The following RGS7 variants were observed in gnomAD, a reference collection of about 807,000 sequenced individuals.
RGS7 encodes regulator of G-protein signaling 7.
RGS7 carries 27 observed loss-of-function variants against 81.1 expected under a neutral mutation model. That is an observed-to-expected ratio of 0.33 (90% CI 0.25 to 0.46). RGS7 has a LOEUF of 0.46. Among genes scored for constraint, RGS7 ranks in the 20% least tolerant of loss-of-function variants. The pLI, the probability that RGS7 is intolerant of heterozygous loss-of-function variation, is 1.00. For synonymous variants in RGS7, 208 were observed against 207.7 expected, an observed-to-expected ratio of 1.00 and a Z score of -0.01; for missense variants, 396 against 607.4, an observed-to-expected ratio of 0.65 and a Z score of 3.66.
At chr1:240,835,867 A>C (rs1694647429) in intron 9 of RGS7, among the ~76,000 whole-genome samples, 1 of 152,206 alleles carries the variant, frequency 6.6e-6, no homozygotes, top group Non-Finnish European at 1.5e-5. Context: ...CAATCATATG[A>C]CATTCTGGAA....
chr1:241,327,122 GAAAGAAAGAAAGAAAGAAAGAAAGGAAA>G lies in RGS7; in HGVS notation c.78+28549_78+28576del, dbSNP rs1166126651. ...AGAAAGAAAGAAAGAAAGAAAGAAAGAAAGAAAGAAAGAAAGAAAGAAAGGAAAGAAAGAAAGAAAGAAACACACAGAC... is the reference window on the plus strand; with the variant it reads ...AGAAAGAAAGAAAGAAAGAAAGAAAGGAAAGAAAGAAAGAAACACACAGAC... On this transcript the variant is annotated intron_variant, in intron 2 of 18. Transcript: ENST00000440928. Among the ~76,000 whole-genome samples, 178 of 110,248 alleles carry G rather than the reference GAAAGAAAGAAAGAAAGAAAGAAAGGAAA, an allele frequency of 1.6e-3. 5 individuals are homozygous for G. The highest frequency in any genetic ancestry group is 6.2e-3 in the South Asian group (21 of 3,406). The allele number at this position is 110,248 out of a possible 152,430, so 72.3% of individuals were successfully genotyped here.
intron 2 of RGS7, among the ~76,000 whole-genome samples, chr1:241,292,293 GTCATTA>G (rs1436207526): frequency 3.9e-5 from 6 of 152,050 alleles, no homozygotes; most frequent in Non-Finnish European, 5.9e-5. Context: ...CAGTAACATA[GTCATTA>G]TCATTATTAA....
chr1:240,883,401 T>G (rs947750096), intron 6 of RGS7, among the ~76,000 whole-genome samples: 1 of 152,242 alleles, frequency 6.6e-6, no homozygotes, highest in African/African-American at 2.4e-5. Flanking sequence ...TGGCTGCTTT[T>G]CTCACGTTCA....
chr1:241,172,378 T>C (rs2070795856), intron 2 of RGS7, among the ~76,000 whole-genome samples: 1 of 152,342 alleles, frequency 6.6e-6, no homozygotes, highest in Admixed American at 6.5e-5. Context: ...AAGTATTATG[T>C]TCAATATTTG....
At chr1:241,206,766 A>C (rs1306447538) in intron 2 of RGS7, among the ~76,000 whole-genome samples, 6 of 151,752 alleles carry the variant, frequency 4.0e-5, no homozygotes, top group African/African-American at 1.5e-4. Flanking sequence ...CTTCCTGCTC[A>C]CCTCTCCATG....
At chr1:241,340,405 A>C (rs925084211) in intron 2 of RGS7, among the ~76,000 whole-genome samples, 3 of 152,188 alleles carry the variant, frequency 2.0e-5, no homozygotes, top group African/African-American at 4.8e-5. Context: ...TGGGGAGACT[A>C]AACAAAGCCA....
chr1:241,215,476 C>G (rs2074489485), intron 2 of RGS7, among the ~76,000 whole-genome samples: 1 of 152,184 alleles, frequency 6.6e-6, no homozygotes, highest in African/African-American at 2.4e-5. Flanking sequence ...AATAAATGAG[C>G]AGGTCAGGAG....
At chr1:241,124,676 C>T (rs770833788) in intron 2 of RGS7, among the ~76,000 whole-genome samples, 1 of 152,168 alleles carries the variant, frequency 6.6e-6, no homozygotes, top group Non-Finnish European at 1.5e-5. Context: ...TCTGCTGGGA[C>T]CTGAATCGTG....
chr1:241,057,272 C>T (rs186400164), intron 3 of RGS7, among the ~76,000 whole-genome samples: 27 of 152,256 alleles, frequency 1.8e-4, no homozygotes, highest in African/African-American at 6.5e-4. Context: ...CCAGTCCCAC[C>T]TCTCACCTTA....
In RGS7 at chr1:240,936,571, C is replaced by T. The variant is rs370647348; in HGVS notation, c.333+29G>A. ...AAACGAAATGCGGGCTTCTAGTTTA[C>T]TGTTAAAGAACATTTCTAATAAACT... On this transcript the variant is annotated intron_variant, in intron 5 of 18. Transcript: ENST00000440928. 5.3e-6 allele frequency: 8 copies of T among 1,522,782 alleles called. No individual in the cohort carries two copies. The African/African-American group carries it at 9.6e-5, about 18-fold the overall frequency. The allele number at this position is 1,522,782 out of a possible 1,614,324, so 94.3% of individuals were successfully genotyped here. A position where few individuals can be genotyped will look rare whatever the true frequency, so the allele number is the denominator to read the frequency against.
intron 6 of RGS7, among the ~76,000 whole-genome samples, chr1:240,882,878 T>G (rs181084424): frequency 6.6e-6 from 1 of 152,324 alleles, no homozygotes; most frequent in East Asian, 1.9e-4. Context: ...ATAGAGCCAT[T>G]TAATTTACCC....
At chr1:240,901,856 C>T (rs1307044599) in intron 6 of RGS7, among the ~76,000 whole-genome samples, 1 of 152,194 alleles carries the variant, frequency 6.6e-6, no homozygotes, top group Non-Finnish European at 1.5e-5. Flanking sequence ...TATCACTCTT[C>T]ATTTAAATTC....
chr1:240,809,640 A>C (rs574603940), intron 14 of RGS7, among the ~76,000 whole-genome samples: 2 of 152,300 alleles, frequency 1.3e-5, no homozygotes, highest in South Asian at 4.1e-4. Context: ...ATGAGGCAAT[A>C]TTTACATTTT....
chr1:241,014,359 T>A (rs535185557), intron 3 of RGS7, among the ~76,000 whole-genome samples: 1 of 152,316 alleles, frequency 6.6e-6, no homozygotes, highest in East Asian at 1.9e-4. Flanking sequence ...CCAGGTGGCA[T>A]TGGTTAGATA....
In RGS7 at chr1:240,793,640, T is replaced by G. The variant is rs574398386; in HGVS notation, c.*6+7001A>C. Among the ~76,000 whole-genome samples the G allele has an allele frequency of 9.4e-4, 128 of 135,508 alleles. 1 individual carries two copies. Among genetic ancestry groups the G allele is most frequent in the Non-Finnish European group, 1.5e-3 (96 of 64,606 alleles). 88.9% of individuals were successfully genotyped at this position (135,508 alleles called of 152,430 possible). ...TTTTTTTTTTTTTGAGACAGAGTCTTGCACTGTCGCCCAGGCTGGAGGGCA... is the reference window on the plus strand; with the variant it reads ...TTTTTTTTTTTTTGAGACAGAGTCTGGCACTGTCGCCCAGGCTGGAGGGCA... On this transcript the variant is annotated intron_variant, in intron 18 of 18. Coordinates refer to ENST00000440928, the MANE Select transcript of RGS7 (RefSeq NM_001364886.1).
At chr1:240,782,764 C>T (rs893734425) in intron 18 of RGS7, among the ~76,000 whole-genome samples, 1 of 152,060 alleles carries the variant, frequency 6.6e-6, no homozygotes, top group African/African-American at 2.4e-5. Flanking sequence ...AGTCTTAATT[C>T]CAGAAATGAA....
chr1:241,005,817 G>A (rs2058663849), intron 3 of RGS7, among the ~76,000 whole-genome samples: 2 of 152,150 alleles, frequency 1.3e-5, no homozygotes, highest in African/African-American at 4.8e-5. Flanking sequence ...TTACAGGCGT[G>A]AGCCACCGCG....
chr1:241,356,309 C>T (rs886587226), intron 1 of RGS7, among the ~76,000 whole-genome samples: 3 of 152,120 alleles, frequency 2.0e-5, no homozygotes, highest in African/African-American at 7.2e-5. Flanking sequence ...GAGGCCCATT[C>T]CCGGTGTCAT....
intron 4 of RGS7, among the ~76,000 whole-genome samples, chr1:240,942,986 A>T (rs1677858415): frequency 6.6e-6 from 1 of 152,198 alleles, no homozygotes; most frequent in Non-Finnish European, 1.5e-5. Flanking sequence ...TAAAAGAAGT[A>T]CCTCAGCTTT....
Sources: gnomAD v4.1 joint callset for allele counts (sites outside exome capture counted in the v4.1 genomes callset) on GRCh38, gnomAD v4.1.1 for gene constraint, MANE v1.5 for transcripts, NCBI Gene and HGNC (gene_info 2026-07-23, HGNC 2026-07-21) for gene names.